Variants in DGKB observed in about 807,000 individuals in gnomAD.
The protein encoded by DGKB is 90 kDa diacylglycerol kinase.
In DGKB, 67 loss-of-function variants were observed where a neutral mutation model predicts 114.3. That is an observed-to-expected ratio of 0.59 (90% CI 0.48 to 0.72). DGKB has a LOEUF of 0.72. Ranked by LOEUF, DGKB falls within the 30% of genes least tolerant of loss-of-function variation. DGKB has a pLI of 0.00. For missense variants in DGKB, 907 were observed against 975.2 expected, an observed-to-expected ratio of 0.93 and a Z score of 0.93; for synonymous variants, 398 against 323.1, an observed-to-expected ratio of 1.23 and a Z score of -2.49.
At chr7:14,764,167 T>G (rs919061895) in intron 2 of DGKB, among the ~76,000 whole-genome samples, 2 of 151,926 alleles carry the variant, frequency 1.3e-5, no homozygotes, top group African/African-American at 4.8e-5. Flanking sequence ...CAACTTCAAC[T>G]GTTTAAAGAG....
At chr7:14,760,043 C>T (rs1291008878) in intron 2 of DGKB, among the ~76,000 whole-genome samples, 1 of 152,060 alleles carries the variant, frequency 6.6e-6, no homozygotes, top group African/African-American at 2.4e-5. Context: ...GCCTATTGGT[C>T]GTTTGTATAT....
At chr7:14,964,341 C>T (rs1787030627) in intron 1 of DGKB, among the ~76,000 whole-genome samples, 1 of 151,876 alleles carries the variant, frequency 6.6e-6, no homozygotes, top group African/African-American at 2.4e-5. Flanking sequence ...CTCATCTCTA[C>T]AAAAAATATA....
At chr7:14,295,388 T>C (rs1381490932) in intron 23 of DGKB, among the ~76,000 whole-genome samples, 1 of 152,200 alleles carries the variant, frequency 6.6e-6, no homozygotes, top group Non-Finnish European at 1.5e-5. Context: ...ATAAACATTG[T>C]TTCCTTTAGT....
At chr7:14,637,419 C>G (rs952665309) in intron 13 of DGKB, among the ~76,000 whole-genome samples, 1 of 151,486 alleles carries the variant, frequency 6.6e-6, no homozygotes, top group African/African-American at 2.4e-5. Flanking sequence ...ATAAACTAGG[C>G]TATCTACAAA....
chr7:14,714,949 A>G (rs1827955001), intron 6 of DGKB, among the ~76,000 whole-genome samples: 1 of 152,190 alleles, frequency 6.6e-6, no homozygotes, highest in South Asian at 2.1e-4. Flanking sequence ...CCTAACATGC[A>G]TTTATGGGAA....
chr7:14,787,396 C>T (rs1203563821), intron 2 of DGKB, among the ~76,000 whole-genome samples: 1 of 152,072 alleles, frequency 6.6e-6, no homozygotes, highest in African/African-American at 2.4e-5. Context: ...AATAAAAAGC[C>T]TTTTAATCTA....
intron 23 of DGKB, among the ~76,000 whole-genome samples, chr7:14,216,884 A>G (rs17150040): frequency 0.035 from 5,386 of 152,226 alleles, 223 homozygotes; most frequent in African/African-American, 0.099. Context: ...CACTGTCTTC[A>G]GTAGATAGAA....
intron 1 of DGKB, among the ~76,000 whole-genome samples, chr7:14,871,965 A>T (rs1852526690): frequency 6.6e-6 from 1 of 152,178 alleles, no homozygotes; most frequent in Admixed American, 6.6e-5. Context: ...TCTATGATTT[A>T]TACGGCACTT....
chr7:14,748,733 A>T (rs901459543), intron 4 of DGKB, among the ~76,000 whole-genome samples: 2 of 152,210 alleles, frequency 1.3e-5, no homozygotes, highest in African/African-American at 4.8e-5. Context: ...TAACAGAACC[A>T]TGTGACCATT....
At chr7:14,672,802 C>T (rs547136356) in intron 13 of DGKB, 127 bp downstream of exon 13, 13 of 485,982 alleles carry the variant, frequency 2.7e-5, no homozygotes, top group Admixed American at 2.2e-4. Flanking sequence ...AGAGTAACGA[C>T]GTATTTTAGA....
chr7:14,306,846 C>A (rs1358049055), intron 23 of DGKB, among the ~76,000 whole-genome samples: 1 of 152,136 alleles, frequency 6.6e-6, no homozygotes, highest in East Asian at 1.9e-4. Flanking sequence ...TGCTACGATG[C>A]TTTTGGCTCT....
chr7:14,924,653 T>C (rs992932401), intron 1 of DGKB, among the ~76,000 whole-genome samples: 8 of 152,138 alleles, frequency 5.3e-5, no homozygotes, highest in Non-Finnish European at 1.0e-4. Flanking sequence ...ATCAAAGGTT[T>C]CCAATTTTTT....
intron 20 of DGKB, among the ~76,000 whole-genome samples, chr7:14,559,273 C>A (rs908022077): frequency 5.3e-5 from 8 of 151,954 alleles, no homozygotes; most frequent in Non-Finnish European, 1.0e-4. Context: ...TTACATATAC[C>A]AAGTTTATTG....
chr7:14,534,705 T>TA (rs1046745866), intron 20 of DGKB, among the ~76,000 whole-genome samples: 11 of 151,418 alleles, frequency 7.3e-5, no homozygotes, highest in South Asian at 4.2e-4. Flanking sequence ...ATAGACAAAG[T>TA]AAAAAAAAGA....
At chr7:14,155,284 C>T (rs879370234) in intron 25 of DGKB, among the ~76,000 whole-genome samples, 2 of 152,020 alleles carry the variant, frequency 1.3e-5, no homozygotes, top group Admixed American at 1.3e-4. Flanking sequence ...TACTAGGTAC[C>T]AGCCTACCTT....
chr7:14,763,054 AC>A (rs1835930649), intron 2 of DGKB, among the ~76,000 whole-genome samples: 1 of 152,076 alleles, frequency 6.6e-6, no homozygotes. Context: ...CTATCTTCCA[AC>A]AGTTATTTTC....
At chr7:14,509,561 T>C (rs1563357854) in intron 20 of DGKB, among the ~76,000 whole-genome samples, 2 of 152,222 alleles carry the variant, frequency 1.3e-5, no homozygotes, top group Admixed American at 6.5e-5. Context: ...GCCACTGCTA[T>C]ACATCTTATT....
rs1003056401 is a variant in DGKB, at chr7:14,168,369, A to G, written c.2304+8470T>C. Among the ~76,000 whole-genome samples, 4 of 152,174 alleles carry G rather than the reference A, an allele frequency of 2.6e-5. No individual in the cohort carries two copies. In the South Asian group the frequency reaches 6.2e-4, roughly 24 times the overall value. On this transcript the variant is annotated intron_variant, in intron 25 of 25. Transcript: ENST00000402815. ...CATCAGAGTTTTAGAAGGAGAGGAG[A>G]GAGTGTGTGGCGTAGAAGTCAATAT...
At chr7:14,553,912 G>C (rs547851777) in intron 20 of DGKB, among the ~76,000 whole-genome samples, 1 of 116,054 alleles carries the variant, frequency 8.6e-6, no homozygotes, top group African/African-American at 3.4e-5. Context: ...TCGCTCTGTC[G>C]CCCAGGCTGG....
Sources: gnomAD v4.1 joint callset for allele counts (sites outside exome capture counted in the v4.1 genomes callset) on GRCh38, gnomAD v4.1.1 for gene constraint, MANE v1.5 for transcripts, NCBI Gene and HGNC (gene_info 2026-07-23, HGNC 2026-07-21) for gene names.